The following MARCHF6 variants were observed in gnomAD, a reference collection of about 807,000 sequenced individuals.
MARCHF6 encodes membrane associated ring-CH-type finger 6, also known as E3 ubiquitin-protein ligase MARCHF6.
In MARCHF6, 31 loss-of-function variants were observed where a neutral mutation model predicts 133.7. The ratio of observed to expected loss-of-function variants is 0.23; its 90% CI spans 0.17 to 0.31. The LOEUF is 0.31. Ranked by LOEUF, MARCHF6 falls within the 10% of genes least tolerant of loss-of-function variation. The probability of loss-of-function intolerance (pLI) is 1.00; values close to 1 mark genes in which losing one functional copy is unlikely to be tolerated. For synonymous variants in MARCHF6, 395 were observed against 402.5 expected (o/e 0.98, Z 0.22); for missense variants, 723 against 1,121.6 (o/e 0.64, Z 5.08).
chr5:10,389,047 G>T, intron 5 of MARCHF6, among the ~76,000 whole-genome samples: 1 of 152,276 alleles, frequency 6.6e-6, no homozygotes, highest in East Asian at 1.9e-4. Context: ...GGCCATACCA[G>T]TTTAGTTTAA....
chr5:10,383,103 G>A (rs2126708442), intron 4 of MARCHF6, among the ~76,000 whole-genome samples: 1 of 152,256 alleles, frequency 6.6e-6, no homozygotes, highest in East Asian at 1.9e-4. Context: ...CTTAAAATAT[G>A]ATAAAATAAT....
intron 5 of MARCHF6, 121 bp downstream of exon 5, chr5:10,387,187 T>C (rs868853608): frequency 1.1e-5 from 7 of 635,426 alleles, no homozygotes; most frequent in Non-Finnish European, 1.9e-5. Context: ...AATTTATGTC[T>C]ATTACACTAA....
chr5:10,360,160 T>TC (rs1409649066), intron 1 of MARCHF6, among the ~76,000 whole-genome samples: 1 of 147,126 alleles, frequency 6.8e-6, no homozygotes, highest in Non-Finnish European at 1.5e-5. Flanking sequence ...TTTTTTTTTT[T>TC]TTTTTTGAGA....
Position 10,438,141 on chromosome 5 carries a change from C to G in MARCHF6, c.*4457C>G, listed in dbSNP as rs1740719581. 6.6e-6 allele frequency: 1 copy of G among 152,198 alleles called. No homozygotes were observed. The allele number at this position is 152,198 out of a possible 1,614,324, so 9.4% of individuals were successfully genotyped here. ...GCTACTGCCCACTTCTGCATGTCTG[C>G]TACGAGATCAGAAAGTCAGTTTCAC... On this transcript the variant is annotated 3_prime_UTR_variant, in exon 26 of 26. Transcript: ENST00000274140.
chr5:10,373,699 GC>G (rs1001404875), intron 1 of MARCHF6, among the ~76,000 whole-genome samples: 1 of 152,156 alleles, frequency 6.6e-6, no homozygotes, highest in Non-Finnish European at 1.5e-5. Context: ...TCATGCTGTG[GC>G]TGCTATACCC....
intron 3 of MARCHF6, among the ~76,000 whole-genome samples, chr5:10,380,112 T>TCC (rs1554020701): frequency 6.6e-6 from 1 of 151,880 alleles, no homozygotes; most frequent in Non-Finnish European, 1.5e-5. Flanking sequence ...CATTCTGGGA[T>TCC]CCCCTATATT....
intron 24 of MARCHF6, among the ~76,000 whole-genome samples, chr5:10,429,455 C>A (rs990008546): frequency 6.7e-6 from 1 of 148,450 alleles, no homozygotes; most frequent in Non-Finnish European, 1.5e-5. Context: ...AGTGCAGTGG[C>A]TTGATTGATC....
In MARCHF6 at chr5:10,435,408, TAATGCTTGAC is replaced by T. The variant is rs1740559525; in HGVS notation, c.*1726_*1735del. On this transcript the variant is annotated 3_prime_UTR_variant, in exon 26 of 26. Coordinates refer to ENST00000274140, the MANE Select transcript of MARCHF6 (RefSeq NM_005885.4). ...AAAAAAAAAAAATCAGTATCAGAAA[TAATGCTTGAC>T]ATAGGATTCAGTGTTATACTCTTTG... 1 of 150,092 alleles carries T rather than the reference TAATGCTTGAC, an allele frequency of 6.7e-6. No homozygotes were observed. Among genetic ancestry groups the T allele is most frequent in the Non-Finnish European group, 1.5e-5 (1 of 67,592 alleles). The allele number at this position is 150,092 out of a possible 1,614,324, so 9.3% of individuals were successfully genotyped here.
rs192044967 is a variant in MARCHF6, at chr5:10,362,662, G to T, written c.19+8745G>T. 5.3e-4 allele frequency among the ~76,000 whole-genome samples: 81 copies of T among 152,276 alleles called. No individual in the cohort carries two copies. In the East Asian group the frequency reaches 0.013, roughly 25 times the overall value. On this transcript the variant is annotated intron_variant, in intron 1 of 25. Transcript: ENST00000274140. ...TTGCAGTCACTTTGTTAAGTGTTTT[G>T]GTTAGTGTATATAAAAACTCGGCAT...
chr5:10,368,318 G>A (rs1405838529), intron 1 of MARCHF6, among the ~76,000 whole-genome samples: 1 of 152,138 alleles, frequency 6.6e-6, no homozygotes, highest in African/African-American at 2.4e-5. Flanking sequence ...TAAACCTCAG[G>A]AGCTTAAAGC....
At chr5:10,426,575 C>T (rs1740097859) in intron 24 of MARCHF6, 53 bp downstream of exon 24, 2 of 1,589,362 alleles carry the variant, frequency 1.3e-6, no homozygotes, top group African/African-American at 1.3e-5. Context: ...TAACATTGGA[C>T]ATTCTCTTTA....
chr5:10,383,970 T>TAGACTTATAACTACC (rs1737315561), intron 4 of MARCHF6, among the ~76,000 whole-genome samples: 1 of 152,182 alleles, frequency 6.6e-6, no homozygotes, highest in Non-Finnish European at 1.5e-5. Context: ...AAATGTGGAC[T>TAGACTTATAACTACC]AGACTTATAA....
chr5:10,414,434 T>G lies in MARCHF6; in HGVS notation c.1898T>G (p.Ile633Arg). Residue 633 changes from isoleucine (I) to arginine (R), a missense_variant and splice_region_variant, in exon 20 of 26, where the codon ATA (isoleucine) becomes AGA (arginine). Transcript: ENST00000274140. Reference protein sequence around the residue: ...YRRPLNFPLRIFLLIVFMCIT... With the variant: ...YRRPLNFPLRRFLLIVFMCIT... ...CACTCCTTATGTTTTACTTTGCAGA[T>G]ATTTCTGTTGATTGTCTTCATGTGT... 6.2e-7 allele frequency: 1 copy of G among 1,607,014 alleles called. No homozygotes were observed. The highest frequency in any genetic ancestry group is 8.5e-7 in the Non-Finnish European group (1 of 1,174,320).
At chr5:10,392,776 A>G (rs1012264752) in intron 7 of MARCHF6, among the ~76,000 whole-genome samples, 6 of 151,712 alleles carry the variant, frequency 4.0e-5, no homozygotes, top group African/African-American at 1.5e-4. Flanking sequence ...AAAAGATCCA[A>G]GACAGGGTCT....
intron 1 of MARCHF6, among the ~76,000 whole-genome samples, chr5:10,370,085 T>C (rs1289235615): frequency 6.9e-6 from 1 of 144,896 alleles, no homozygotes; most frequent in South Asian, 2.2e-4. Context: ...GGGAGTATCT[T>C]ACTGTGATTT....
intron 23 of MARCHF6, among the ~76,000 whole-genome samples, chr5:10,426,081 T>G (rs1304079950): frequency 6.6e-6 from 1 of 152,202 alleles, no homozygotes; most frequent in Admixed American, 6.5e-5. Context: ...AGTAATGTGG[T>G]CTTGAATGAA....
Position 10,357,184 on chromosome 5 carries a change from G to A in MARCHF6, c.19+3267G>A, listed in dbSNP as rs866294933. Among the ~76,000 whole-genome samples, 11 of 149,270 alleles carry A rather than the reference G, an allele frequency of 7.4e-5. 1 individual carries two copies. In the South Asian group the frequency reaches 2.3e-3, roughly 32 times the overall value. On this transcript the variant is annotated intron_variant, in intron 1 of 25. Coordinates refer to ENST00000274140, the MANE Select transcript of MARCHF6 (RefSeq NM_005885.4). ...TGCACTGAGATTTCTCAGTTTCAGA[G>A]AAAAGTCTATCCTTTGGTCAAGGAT...
At chr5:10,399,984 G>T (rs1738427062) in intron 10 of MARCHF6, among the ~76,000 whole-genome samples, 1 of 152,070 alleles carries the variant, frequency 6.6e-6, no homozygotes, top group Non-Finnish European at 1.5e-5. Context: ...AGATCTAAGG[G>T]CCTTATTAGA....
rs140277872 is a variant in MARCHF6 at position 10,369,613 on chromosome 5, C to CAA, written c.20-8185_20-8184insAA. 3.9e-4 allele frequency among the ~76,000 whole-genome samples: 35 copies of CAA among 90,206 alleles called. 2 individuals are homozygous for CAA. Among genetic ancestry groups the CAA allele is most frequent in the Admixed American group, 1.1e-3 (9 of 7,894 alleles). 59.2% of individuals were successfully genotyped at this position (90,206 alleles called of 152,430 possible). The stretch of plus-strand genomic sequence containing the variant: ...TAGAATAGTTCCATTACCCCCCCCC[C>CAA]CCCTTGCAAATATCCTTTACCCTTT... On this transcript the variant is annotated intron_variant, in intron 1 of 25. Transcript: ENST00000274140.
Sources: allele counts gnomAD v4.1 joint callset (sites outside exome capture counted in the v4.1 genomes callset), GRCh38; gene constraint gnomAD v4.1.1; transcripts MANE v1.5; gene names NCBI Gene and HGNC (gene_info 2026-07-23, HGNC 2026-07-21).